FES: variants seen among roughly 807,000 people sequenced by gnomAD.
FES encodes FES proto-oncogene, tyrosine kinase.
In FES, 83 loss-of-function variants were observed where a neutral mutation model predicts 109.6. That is an observed-to-expected ratio of 0.76 (90% CI 0.63 to 0.91). The LOEUF (loss-of-function observed/expected upper bound fraction) is 0.91, where lower values mean the gene tolerates loss of function less well. Ranked by LOEUF, FES falls within the 40% of genes least tolerant of loss-of-function variation. The pLI is 0.00. For missense variants in FES, 943 were observed against 1,070.9 expected (o/e 0.88, Z 1.67); for synonymous variants, 458 against 442.1 (o/e 1.04, Z -0.45).
chr15:90,886,970 C>A lies in FES; in HGVS notation c.397C>A (p.Gln133Lys). ...TCTCCTCTCTCCCTAGACCCACAGC[C>A]AGGACATTGAGAAGCTGAAGAGCCA... ...LQQELTKTHS[Q>K]DIEKLKSQYR... is the part of the protein sequence containing the mutation. Residue 133 changes from glutamine (Q) to lysine (K), a missense_variant, in exon 4 of 19, where the codon CAG (glutamine) becomes AAG (lysine). Transcript: ENST00000328850. The A allele has an allele frequency of 6.2e-7, 1 of 1,614,132 alleles. No individual in the cohort carries two copies. The highest frequency in any genetic ancestry group is 8.5e-7 in the Non-Finnish European group (1 of 1,180,020).
At position 90,887,254 on chromosome 15, in the gene FES, C is replaced by G; in HGVS notation, c.552C>G (p.Asn184Lys). ...RSLWKLFAHH[N>K]RYVLGVRAAQ... ...TGTGGAAGCTCTTTGCTCACCACAA[C>G]CGCTATGTGCTGGGCGTGCGGGCTG... is the stretch of plus-strand genomic sequence containing the variant. The change falls in exon 5 of 19, where the codon AAC becomes AAG. Residue 184 changes from asparagine to lysine, a missense_variant. Physicochemically the swap from Asn to Lys is moderately conservative, Grantham distance 94. Coordinates refer to ENST00000328850, the MANE Select transcript of FES (RefSeq NM_002005.4). The G allele has an allele frequency of 6.2e-7, 1 of 1,613,434 alleles. No homozygotes were observed. The highest frequency in any genetic ancestry group is 8.5e-7 in the Non-Finnish European group (1 of 1,180,040).
intron 18 of FES, 57 bp from the exon 19 acceptor site, chr15:90,895,359 T>C (rs2033615360): frequency 7.0e-7 from 1 of 1,425,618 alleles, no homozygotes. Flanking sequence ...CCCCAGAGTC[T>C]GCCGAGGACC....
Position 90,893,371 on chromosome 15 carries a change from GC to G in FES, c.2003del (p.Ala668ValfsTer24). 3 of 1,562,822 alleles carry G rather than the reference GC, an allele frequency of 1.9e-6. No individual in the cohort carries two copies. The highest frequency in any genetic ancestry group is 2.6e-6 in the Non-Finnish European group (3 of 1,154,912). ...TCTGCTGCAGATGGTGGGGGATGCAGCTGCTGGCATGGAGTACCTGGAGAGC... is the reference window on the plus strand; with the variant it reads ...TCTGCTGCAGATGGTGGGGGATGCAGTGCTGGCATGGAGTACCTGGAGAGC... ...KTLLQMVGDA[A>X]AGMEYLESKC... On this transcript the variant is annotated frameshift_variant, in exon 16 of 19. Transcript: ENST00000328850. LOFTEE classifies it high-confidence loss of function.
rs746574761 is a variant in FES, at chr15:90,893,134, C to T, written c.1861C>T (p.Arg621Cys). 1.7e-5 allele frequency: 27 copies of T among 1,613,972 alleles called. No individual in the cohort carries two copies. Among genetic ancestry groups the T allele is most frequent in the South Asian group, 4.4e-5 (4 of 91,072 alleles). The change falls in exon 15 of 19, where the codon CGT (arginine) becomes TGT (cysteine). Residue 621 changes from arginine to cysteine, a missense_variant. Transcript: ENST00000328850. ...GCAGTACAGCCACCCCAACATCGTG[C>T]GTCTCATTGGTGTCTGCACCCAGAA... is the stretch of plus-strand genomic sequence containing the variant. Reference protein sequence around the residue: ...LKQYSHPNIVRLIGVCTQKQP... With the variant: ...LKQYSHPNIVCLIGVCTQKQP...
At position 90,886,968 on chromosome 15, in the gene FES, G is replaced by A; in HGVS notation, c.395G>A (p.Ser132Asn). The change falls in exon 4 of 19, where the codon AGC (serine) becomes AAC (asparagine). Residue 132 changes from serine (S) to asparagine (N), a missense_variant. By Grantham distance (46) the Ser-to-Asn change is conservative. Transcript: ENST00000328850. ...QLQQELTKTH[S>N]QDIEKLKSQY... ...CCTCTCCTCTCTCCCTAGACCCACA[G>A]CCAGGACATTGAGAAGCTGAAGAGC... The A allele has an allele frequency of 6.2e-7, 1 of 1,614,142 alleles. No homozygotes were observed. The highest frequency in any genetic ancestry group is 8.5e-7 in the Non-Finnish European group (1 of 1,180,024).
chr15:90,885,613 C>A lies in FES; in HGVS notation c.387+28C>A. On this transcript the variant is annotated intron_variant, in intron 3 of 18. Coordinates refer to ENST00000328850, the MANE Select transcript of FES (RefSeq NM_002005.4). ...GAGCGGGCAGCACTGGGGCTTCGGTCATTTCTGTCTAAATTTTGAGCCTCG... is the reference window on the plus strand; with the variant it reads ...GAGCGGGCAGCACTGGGGCTTCGGTAATTTCTGTCTAAATTTTGAGCCTCG... 3.8e-6 allele frequency: 6 copies of A among 1,599,988 alleles called. No individual in the cohort carries two copies. In the South Asian group the frequency reaches 5.6e-5, roughly 15 times the overall value.
rs530335992 is a variant in FES, at chr15:90,889,610, G to A, written c.900G>A (p.Glu300=). The change falls in exon 7 of 19, where the codon GAG becomes GAA. Residue 300 remains glutamate, a synonymous_variant. Transcript: ENST00000328850. This position sits in a 1 kb window ranked among gnomAD's most constrained non-coding sequence, Gnocchi z 6.1. ...PLEPGELQLN[E]LTVESVQHTL... ...AGCCTGGGGAGCTCCAGCTGAACGAGCTGACTGTGGAGAGCGTGCAGCACA... is the reference window on the plus strand; with the variant it reads ...AGCCTGGGGAGCTCCAGCTGAACGAACTGACTGTGGAGAGCGTGCAGCACA... 2 of 1,613,560 alleles carry A rather than the reference G, an allele frequency of 1.2e-6. No homozygotes were observed. The highest frequency in any genetic ancestry group is 1.7e-6 in the Non-Finnish European group (2 of 1,180,010).
Position 90,891,917 on chromosome 15 carries a change from G to A in FES, c.1654-141G>A, listed in dbSNP as rs905447326. 1.7e-5 allele frequency: 19 copies of A among 1,124,468 alleles called. No homozygotes were observed. In the Admixed American group the frequency reaches 1.8e-4, roughly 11 times the overall value. The allele number at this position is 1,124,468 out of a possible 1,614,324, so 69.7% of individuals were successfully genotyped here. The stretch of plus-strand genomic sequence containing the variant: ...TGGTCAGGGCACCTGCCTGGACCCC[G>A]TAGTCATCTCAGTGTGCTCCCCACG... On this transcript the variant is annotated intron_variant, in intron 12 of 18. Coordinates refer to ENST00000328850, the MANE Select transcript of FES (RefSeq NM_002005.4).
Position 90,887,238 on chromosome 15 carries a change from TC to T in FES, c.537del (p.Phe180LeufsTer44). 6.2e-7 allele frequency: 1 copy of T among 1,613,554 alleles called. No individual in the cohort carries two copies. The highest frequency in any genetic ancestry group is 8.5e-7 in the Non-Finnish European group (1 of 1,180,020). On this transcript the variant is annotated frameshift_variant, in exon 5 of 19. Coordinates refer to ENST00000328850, the MANE Select transcript of FES (RefSeq NM_002005.4). LOFTEE classifies it high-confidence loss of function. ...KDKYVRSLWK[L>X]FAHHNRYVLG... ...AAGTATGTGCGCAGCCTGTGGAAGC[TC>T]TTTGCTCACCACAACCGCTATGTGC...
intron 16 of FES, 104 bp downstream of exon 16, chr15:90,893,518 A>G: frequency 6.7e-7 from 1 of 1,492,872 alleles, no homozygotes; most frequent in Non-Finnish European, 8.9e-7. Flanking sequence ...TCAGCTCCAG[A>G]GGGGGAGTTG....
rs116140607 is a variant in FES, at chr15:90,887,118, G to A, written c.484+61G>A. On this transcript the variant is annotated intron_variant, in intron 4 of 18. Coordinates refer to ENST00000328850, the MANE Select transcript of FES (RefSeq NM_002005.4). Reference sequence around the variant, plus strand: ...GAAGCCAGTGCTGACCTGTCCTTGGGTACCCAGAGAGTGGGGGCTGCCTGG... The same window carrying A: ...GAAGCCAGTGCTGACCTGTCCTTGGATACCCAGAGAGTGGGGGCTGCCTGG... The A allele has an allele frequency of 2.1e-3, 3,349 of 1,612,742 alleles. 68 individuals are homozygous for A. In the African/African-American group the frequency reaches 0.04, roughly 19 times the overall value.
intron 14 of FES, 98 bp downstream of exon 14, chr15:90,892,923 T>C: frequency 7.1e-7 from 1 of 1,405,634 alleles, no homozygotes. Flanking sequence ...TGGTGTTTAG[T>C]CCTCGAGGCC....
At chr15:90,887,149 C>T (rs773888266) in intron 4 of FES, 38 bp from the exon 5 acceptor site, 1 of 1,611,952 alleles carries the variant, frequency 6.2e-7, no homozygotes, top group East Asian at 2.2e-5. Flanking sequence ...CCTGGGCCTC[C>T]ATGCTGTCAT....
Position 90,889,639 on chromosome 15 carries a change from G to A in FES, c.926+3G>A. The A allele has an allele frequency of 1.2e-6, 2 of 1,612,832 alleles. No individual in the cohort carries two copies. The highest frequency in any genetic ancestry group is 1.7e-6 in the Non-Finnish European group (2 of 1,179,996). The stretch of plus-strand genomic sequence containing the variant: ...ACTGTGGAGAGCGTGCAGCACACGT[G>A]GGTGGTGGCTTTGCACCTGGGCTGC... On this transcript the variant is annotated splice_donor_region_variant and intron_variant, in intron 7 of 18. Transcript: ENST00000328850. The surrounding 1 kb of genome is among the most constrained non-coding windows in gnomAD (Gnocchi z 6.1).
At chr15:90,892,858 C>G (rs748222014) in intron 14 of FES, 33 bp downstream of exon 14, 29 of 1,594,620 alleles carry the variant, frequency 1.8e-5, no homozygotes, top group Admixed American at 3.3e-5. Flanking sequence ...CCACGGGTCC[C>G]GCATACACAG....
At chr15:90,886,822 C>T (rs1021231201) in intron 3 of FES, 139 bp from the exon 4 acceptor site, 4 of 712,534 alleles carry the variant, frequency 5.6e-6, no homozygotes, top group African/African-American at 5.3e-5. Context: ...CTTTGACTCT[C>T]ACGTCAGCAG....
chr15:90,885,499 A>G lies in FES; in HGVS notation c.301A>G (p.Lys101Glu). The G allele has an allele frequency of 6.2e-7, 1 of 1,613,336 alleles. No individual in the cohort carries two copies. The highest frequency in any genetic ancestry group is 8.5e-7 in the Non-Finnish European group (1 of 1,180,006). The change falls in exon 3 of 19, where the codon AAG (lysine) becomes GAG (glutamate). Residue 101 changes from lysine to glutamate, a missense_variant. Physicochemically the swap from Lys to Glu is moderately conservative, Grantham distance 56. Coordinates refer to ENST00000328850, the MANE Select transcript of FES (RefSeq NM_002005.4). ...AEDLNSGPLS[K>E]LSLLIRERQQ... ...GGATCTGAACTCAGGGCCCCTGAGC[A>G]AGCTGAGCCTGCTCATCCGGGAACG...
At chr15:90,888,461 G>A (rs1304921618) in intron 5 of FES, among the ~76,000 whole-genome samples, 1 of 152,228 alleles carries the variant, frequency 6.6e-6, no homozygotes, top group Non-Finnish European at 1.5e-5. Context: ...ATAGACTTCA[G>A]GGAGCAAGGA....
chr15:90,892,563 C>G (rs1051647802), intron 13 of FES, 144 bp from the exon 14 acceptor site: 21 of 680,474 alleles, frequency 3.1e-5, no homozygotes, highest in Non-Finnish European at 4.9e-5. Context: ...GGTTCCCCAG[C>G]GAGGGTCAAA....
Sources: allele counts gnomAD v4.1 joint callset (sites outside exome capture counted in the v4.1 genomes callset), GRCh38; gene constraint gnomAD v4.1.1; non-coding constraint Gnocchi (gnomAD v3.1); transcripts MANE v1.5; gene names NCBI Gene and HGNC (gene_info 2026-07-23, HGNC 2026-07-21).